Variants in DMD observed in about 807,000 individuals in gnomAD.
DMD encodes the protein dystrophin.
Under a neutral mutation model 330.1 loss-of-function variants are expected in DMD, and 63 were observed. The observed-to-expected ratio is 0.19, with a 90% CI of 0.16 to 0.24. The LOEUF (loss-of-function observed/expected upper bound fraction) is 0.24. DMD is among the 10% of genes least tolerant of loss of function. DMD has a pLI of 1.00. For missense variants in DMD, 3,344 were observed against 2,684.1 expected (o/e 1.25, Z -5.43); for synonymous variants, 1,223 against 959.8 (o/e 1.27, Z -5.07).
intron 43 of DMD, among the ~76,000 whole-genome samples, chrX:32,248,520 C>G (rs1325684658): frequency 1.8e-5 from 2 of 109,672 alleles, no homozygotes; most frequent in African/African-American, 6.6e-5. Flanking sequence ...TATGTTGTTA[C>G]ACACCTCGAC....
chrX:32,121,828 C>T (rs1489763540), intron 44 of DMD, among the ~76,000 whole-genome samples: 1 of 106,394 alleles, frequency 9.4e-6, no homozygotes. Flanking sequence ...CTTGACAGAG[C>T]ACAGACAACA....
chrX:31,321,583 C>CAAAAAAAAAAAA lies in DMD; in HGVS notation c.9224+2003_9224+2014dup, dbSNP rs1190446358. On this transcript the variant is annotated intron_variant, in intron 62 of 78. Coordinates refer to ENST00000357033, the MANE Select transcript of DMD (RefSeq NM_004006.3). The stretch of plus-strand genomic sequence containing the variant: ...TGGGCAACAGAGTGAAACTCCATCT[C>CAAAAAAAAAAAA]AAAAAAAAAAAAAAAAAAAAAAAAA... Among the ~76,000 whole-genome samples, 66 of 10,444 alleles carry CAAAAAAAAAAAA rather than the reference C, an allele frequency of 6.3e-3. 2 individuals carry two copies. Among genetic ancestry groups the CAAAAAAAAAAAA allele is most frequent in the East Asian group, 0.012 (3 of 247 alleles). The allele number at this position is 10,444 out of a possible 115,157, so 9.1% of individuals were successfully genotyped here. A position where few individuals can be genotyped will look rare whatever the true frequency, so the allele number is the denominator to read the frequency against.
chrX:31,847,255 C>T (rs1404610247), intron 48 of DMD, among the ~76,000 whole-genome samples: 1 of 111,607 alleles, frequency 9.0e-6, no homozygotes, highest in Non-Finnish European at 1.9e-5. Context: ...ATTCTCAGTT[C>T]TATAGAAACA....
At chrX:32,866,716 C>CTTT (rs753731804) in intron 2 of DMD, among the ~76,000 whole-genome samples, 1 of 37,435 alleles carries the variant, frequency 2.7e-5, no homozygotes, top group African/African-American at 1.4e-4. Context: ...CATACACACA[C>CTTT]TTTTTTTTGG....
chrX:31,678,291 A>G (rs1417331162), intron 53 of DMD, among the ~76,000 whole-genome samples: 1 of 111,653 alleles, frequency 9.0e-6, no homozygotes, highest in Non-Finnish European at 1.9e-5. Context: ...CTGGTTTAGC[A>G]AAAGGCCTTT....
At chrX:32,799,268 T>C (rs892497835) in intron 7 of DMD, among the ~76,000 whole-genome samples, 26 of 111,251 alleles carry the variant, frequency 2.3e-4, no homozygotes, top group African/African-American at 8.5e-4. Flanking sequence ...ATAAAGGGGA[T>C]TAAAACCAAA....
chrX:33,137,842 A>T (rs1253781440), intron 1 of DMD, among the ~76,000 whole-genome samples: 1 of 112,132 alleles, frequency 8.9e-6, no homozygotes. Flanking sequence ...ACTTTTATCA[A>T]TGTAAGTAAA....
chrX:33,158,056 A>G (rs751910036), intron 1 of DMD, among the ~76,000 whole-genome samples: 1 of 112,380 alleles, frequency 8.9e-6, no homozygotes, highest in African/African-American at 3.2e-5. Flanking sequence ...GAAAGTACAC[A>G]GAAATCAAAC....
intron 11 of DMD, among the ~76,000 whole-genome samples, chrX:32,620,742 T>C (rs1285020781): frequency 9.0e-6 from 1 of 111,664 alleles, no homozygotes; most frequent in Non-Finnish European, 1.9e-5. Context: ...AAAATACCTA[T>C]CTTCAATTTC....
chrX:32,236,973 T>G (rs191539251), intron 43 of DMD, among the ~76,000 whole-genome samples: 4 of 112,001 alleles, frequency 3.6e-5, no homozygotes. Context: ...ATGACATAAA[T>G]CCTTTATTGT....
chrX:32,037,649 G>A (rs1430739990), intron 44 of DMD, among the ~76,000 whole-genome samples: 6 of 111,180 alleles, frequency 5.4e-5, no homozygotes, highest in South Asian at 3.8e-4. Context: ...TATTGGTACC[G>A]AGATTTTCCA....
In DMD at chrX:33,258,329, G is replaced by A. The variant is rs192016101; in HGVS notation, c.7+80930C>T. Among the ~76,000 whole-genome samples the A allele has an allele frequency of 2.7e-5, 3 of 110,603 alleles. No homozygotes were observed. In the South Asian group the frequency reaches 1.1e-3, roughly 41 times the overall value. Reference sequence around the variant, plus strand: ...AGGTATAACTATACCAAAGTGTTCCGGTTTGGAAACATAGTGTAAATGTTT... The same window carrying A: ...AGGTATAACTATACCAAAGTGTTCCAGTTTGGAAACATAGTGTAAATGTTT... On this transcript the variant is annotated intron_variant, in intron 1 of 17. Coordinates refer to the DMD transcript ENST00000288447.
intron 18 of DMD, among the ~76,000 whole-genome samples, chrX:32,509,975 C>A (rs2045108224): frequency 9.0e-6 from 1 of 111,660 alleles, no homozygotes; most frequent in Non-Finnish European, 1.9e-5. Context: ...ATGGTGCTCA[C>A]TACTACCACA....
At chrX:32,649,885 G>A (rs764921454) in intron 9 of DMD, among the ~76,000 whole-genome samples, 96 of 111,100 alleles carry the variant, frequency 8.6e-4, no homozygotes, top group African/African-American at 2.9e-3. Flanking sequence ...AAAAATATAC[G>A]TACGTAAGGC....
rs924395825 is a variant in DMD at position 32,508,871 on chromosome X, C to T, written c.2293-7029G>A. 6.7e-4 allele frequency among the ~76,000 whole-genome samples: 74 copies of T among 109,833 alleles called. 1 individual carries two copies. Among genetic ancestry groups the T allele is most frequent in the Non-Finnish European group, 1.1e-3 (58 of 52,624 alleles). On this transcript the variant is annotated intron_variant, in intron 18 of 78. Transcript: ENST00000357033. Reference sequence around the variant, plus strand: ...TGTCGCCCAGGCTGGAGTGCAGTGGCGCAATCTTGGCTCACTGCAAGCTCC... The same window carrying T: ...TGTCGCCCAGGCTGGAGTGCAGTGGTGCAATCTTGGCTCACTGCAAGCTCC...
intron 7 of DMD, among the ~76,000 whole-genome samples, chrX:32,734,382 G>C (rs371602097): frequency 2.0e-5 from 2 of 100,229 alleles, no homozygotes; most frequent in Admixed American, 2.1e-4. Context: ...CCAATCAATA[G>C]AAAAAGAGGG....
At chrX:32,911,808 A>G (rs1435779446) in intron 2 of DMD, among the ~76,000 whole-genome samples, 1 of 111,835 alleles carries the variant, frequency 8.9e-6, no homozygotes, top group Admixed American at 9.6e-5. Flanking sequence ...TTGGAAACTT[A>G]GAAATACATC....
chrX:32,414,448 G>A (rs970736020), intron 29 of DMD, among the ~76,000 whole-genome samples: 1 of 111,894 alleles, frequency 8.9e-6, no homozygotes, highest in Non-Finnish European at 1.9e-5. Context: ...ATGACATTAT[G>A]TTCTTTCTTG....
At chrX:32,237,173 T>G (rs2097191114) in intron 43 of DMD, among the ~76,000 whole-genome samples, 1 of 111,652 alleles carries the variant, frequency 9.0e-6, no homozygotes, top group African/African-American at 3.2e-5. Flanking sequence ...ATTTTAATGC[T>G]TTGCCTTTCA....
Sources: allele counts gnomAD v4.1 joint callset (sites outside exome capture counted in the v4.1 genomes callset), GRCh38; gene constraint gnomAD v4.1.1; transcripts MANE v1.5; gene names NCBI Gene and HGNC (gene_info 2026-07-23, HGNC 2026-07-21).